KCNJ13: variants seen among roughly 807,000 people sequenced by gnomAD.
KCNJ13 encodes the protein inward rectifier potassium channel 13.
A neutral mutation model predicts 24.6 loss-of-function variants in KCNJ13; 9 were observed. That is an observed-to-expected ratio of 0.37 (90% CI 0.22 to 0.64). The LOEUF is 0.64. KCNJ13 is among the 30% of genes least tolerant of loss of function. The pLI, the probability that KCNJ13 is intolerant of heterozygous loss-of-function variation, is 0.64. For missense variants in KCNJ13, 337 were observed against 443.8 expected (o/e 0.76, Z 2.16); for synonymous variants, 148 against 154.7 (o/e 0.96, Z 0.32).
At chr2:232,772,770 CCTTGAGAGTG>C (rs986342796) in intron 1 of KCNJ13, among the ~76,000 whole-genome samples, 5 of 152,076 alleles carry the variant, frequency 3.3e-5, no homozygotes, top group Non-Finnish European at 7.4e-5. Context: ...AGGTAGATAC[CCTTGAGAGTG>C]CTGCATACCC....
Position 232,767,850 on chromosome 2 carries a change from T to A in KCNJ13, c.*341A>T. Reference sequence around the variant, plus strand: ...CAGATGAAAATGAGAGATTAATGGTTGATTTTCTTAGAGTTCAGTTGTGTT... The same window carrying A: ...CAGATGAAAATGAGAGATTAATGGTAGATTTTCTTAGAGTTCAGTTGTGTT... On this transcript the variant is annotated 3_prime_UTR_variant, in exon 3 of 3. Transcript: ENST00000233826. 3.6e-6 allele frequency: 1 copy of A among 278,018 alleles called. No homozygotes were observed. The highest frequency in any genetic ancestry group is 6.9e-6 in the Non-Finnish European group (1 of 145,360). The allele number at this position is 278,018 out of a possible 1,614,324, so 17.2% of individuals were successfully genotyped here.
intron 1 of KCNJ13, among the ~76,000 whole-genome samples, chr2:232,775,329 AAAAC>A (rs150450381): frequency 0.017 from 2,536 of 152,292 alleles, 156 homozygotes; most frequent in East Asian, 0.11. Context: ...TCCTTAGATT[AAAAC>A]AAAGAAAGTG....
chr2:232,773,808 C>T (rs934079278), intron 1 of KCNJ13, among the ~76,000 whole-genome samples: 3 of 150,192 alleles, frequency 2.0e-5, no homozygotes, highest in Admixed American at 6.7e-5. Context: ...TTATTAAAAA[C>T]GTGTCTGGCT....
chr2:232,767,443 G>T lies in KCNJ13; in HGVS notation c.*748C>A, dbSNP rs1574854998. On this transcript the variant is annotated 3_prime_UTR_variant, in exon 3 of 3. Transcript: ENST00000233826. ...AGATGAATCACCGTTTGATTATTAT[G>T]GAGGACAGTTTTAAAATAAAATTTT... The T allele has an allele frequency of 1.3e-5, 2 of 152,648 alleles. No homozygotes were observed. Among genetic ancestry groups the T allele is most frequent in the East Asian group, 3.9e-4 (2 of 5,188 alleles). 9.5% of individuals were successfully genotyped at this position (152,648 alleles called of 1,614,324 possible).
In KCNJ13 at chr2:232,771,280, G is replaced by A; in HGVS notation, c.83C>T (p.Thr28Ile). Residue 28 changes from threonine (T) to isoleucine (I), a missense_variant, in exon 2 of 3, where the codon ACA (threonine) becomes ATA (isoleucine). Thr to Ile is a moderately conservative substitution (Grantham distance 89). Transcript: ENST00000233826. ...TCTTTGAGCGCCATCCATTTGAAGT[G>A]TGCTGTGGCCATCCTTGGTGACCAT... ...RRMVTKDGHS[T>I]LQMDGAQRGL... The A allele has an allele frequency of 6.2e-7, 1 of 1,609,972 alleles. No individual in the cohort carries two copies. Among genetic ancestry groups the A allele is most frequent in the Non-Finnish European group, 8.5e-7 (1 of 1,177,698 alleles).
chr2:232,776,502 G>A lies in KCNJ13; in HGVS notation c.-74C>T, dbSNP rs755592443. The A allele has an allele frequency of 1.6e-5, 22 of 1,349,928 alleles. No individual in the cohort carries two copies. Among genetic ancestry groups the A allele is most frequent in the East Asian group, 1.4e-4 (6 of 42,304 alleles). 83.6% of individuals were successfully genotyped at this position (1,349,928 alleles called of 1,614,324 possible). A position where few individuals can be genotyped will look rare whatever the true frequency, so the allele number is the denominator to read the frequency against. ...GGTAGGTCTTAAGGAAATTTACAGA[G>A]TCTGCCTTTTTGATCAGATAATTTT... On this transcript the variant is annotated 5_prime_UTR_variant, in exon 1 of 3. Transcript: ENST00000233826.
intron 1 of KCNJ13, 176 bp from the exon 2 acceptor site, chr2:232,771,554 C>T (rs59502980): frequency 0.07 from 36,401 of 523,426 alleles, 1,600 homozygotes; most frequent in East Asian, 0.17. Flanking sequence ...CATTTGGGAG[C>T]TAATTGTGTG....
At chr2:232,772,301 G>A (rs900533731) in intron 1 of KCNJ13, among the ~76,000 whole-genome samples, 4 of 152,072 alleles carry the variant, frequency 2.6e-5, no homozygotes, top group African/African-American at 4.8e-5. Flanking sequence ...ATGATGGATT[G>A]CTATCTCTTT....
Position 232,768,185 on chromosome 2 carries a change from TAA to T in KCNJ13, c.*4_*5del. 4 of 1,613,892 alleles carry T rather than the reference TAA, an allele frequency of 2.5e-6. No homozygotes were observed. Among genetic ancestry groups the T allele is most frequent in the Non-Finnish European group, 3.4e-6 (4 of 1,179,802 alleles). ...TGTATTTAATACATTAAAAAATGGA[TAA>T]GTCTTATTCTGTCAGTCCTGTTTCA... On this transcript the variant is annotated 3_prime_UTR_variant, in exon 3 of 3. Transcript: ENST00000233826.
chr2:232,771,457 C>G, intron 1 of KCNJ13, 79 bp from the exon 2 acceptor site: 1 of 921,144 alleles, frequency 1.1e-6, no homozygotes, highest in South Asian at 1.8e-5. Context: ...CATGGACTTT[C>G]TGCTTTCTTG....
At chr2:232,776,043 C>T (rs1164758290) in intron 1 of KCNJ13, among the ~76,000 whole-genome samples, 1 of 152,064 alleles carries the variant, frequency 6.6e-6, no homozygotes, top group African/African-American at 2.4e-5. Context: ...TCTTAGATTA[C>T]AGAAGTAAAA....
Position 232,771,258 on chromosome 2 carries a change from T to C in KCNJ13, c.105A>G (p.Gln35=), listed in dbSNP as rs763508215. Residue 35 remains glutamine (Q), a synonymous_variant, in exon 2 of 3, where the codon CAA becomes CAG. Transcript: ENST00000233826. ...CATCTCGAAGATATGCAAGACCTCT[T>C]TGAGCGCCATCCATTTGAAGTGTGC... ...GHSTLQMDGA[Q]RGLAYLRDAW... is the part of the protein sequence containing the mutation. 1.2e-6 allele frequency: 2 copies of C among 1,608,632 alleles called. No individual in the cohort carries two copies. The highest frequency in any genetic ancestry group is 4.5e-5 in the East Asian group (2 of 44,790).
In KCNJ13 at chr2:232,768,276, C is replaced by T. The variant is rs781665941; in HGVS notation, c.998G>A (p.Ser333Asn). The change falls in exon 3 of 3, where the codon AGC (serine) becomes AAC (asparagine). Residue 333 changes from serine to asparagine, a missense_variant. Physicochemically the swap from Ser to Asn is conservative, Grantham distance 46 (BLOSUM62 1). Coordinates refer to ENST00000233826, the MANE Select transcript of KCNJ13 (RefSeq NM_002242.4). ...GATATCCAGGTCAGTCCTGTTTGGG[C>T]TTTTAGAAACCAGAGGAGTTGGAAA... is the stretch of plus-strand genomic sequence containing the variant. ...PEFPTPLVSK[S>N]PNRTDLDIHI... is the part of the protein sequence containing the mutation. 1 of 1,614,092 alleles carries T rather than the reference C, an allele frequency of 6.2e-7. No homozygotes were observed.
intron 2 of KCNJ13, among the ~76,000 whole-genome samples, chr2:232,769,739 T>A (rs1313410977): frequency 1.3e-5 from 2 of 152,056 alleles, no homozygotes; most frequent in Admixed American, 1.3e-4. Context: ...GTCTAAGAAG[T>A]AAGTACTTAC....
chr2:232,766,308 A>C lies in KCNJ13; in HGVS notation c.*1883T>G, dbSNP rs531541223. Among the ~76,000 whole-genome samples the C allele has an allele frequency of 5.9e-5, 9 of 152,292 alleles. No individual in the cohort carries two copies. In the East Asian group the frequency reaches 1.5e-3, roughly 26 times the overall value. ...AGTTTTCAAATGCCAAATTTATTAT[A>C]AACAGTAAGTATAATATGAAACTCA... On this transcript the variant is annotated 3_prime_UTR_variant, in exon 3 of 3. Transcript: ENST00000233826.
Position 232,767,927 on chromosome 2 carries a change from T to A in KCNJ13, c.*264A>T. 1 of 454,036 alleles carries A rather than the reference T, an allele frequency of 2.2e-6. No individual in the cohort carries two copies. The highest frequency in any genetic ancestry group is 4.0e-6 in the Non-Finnish European group (1 of 248,696). The allele number at this position is 454,036 out of a possible 1,614,324, so 28.1% of individuals were successfully genotyped here. A position where few individuals can be genotyped will look rare whatever the true frequency, so the allele number is the denominator to read the frequency against. On this transcript the variant is annotated 3_prime_UTR_variant, in exon 3 of 3. Transcript: ENST00000233826. ...TTACTAGTATCATACCACATTCTTA[T>A]AAATTCACCAGCAACATTTCTGTAT... is the stretch of plus-strand genomic sequence containing the variant.
chr2:232,768,573 C>T lies in KCNJ13; in HGVS notation c.701G>A (p.Cys234Tyr). 6.2e-7 allele frequency: 1 copy of T among 1,614,138 alleles called. No individual in the cohort carries two copies. The highest frequency in any genetic ancestry group is 8.5e-7 in the Non-Finnish European group (1 of 1,180,010). The stretch of plus-strand genomic sequence containing the variant: ...CGTTAGTGGAAAGATGAAGAATGGA[C>T]ATTCGTCAGAACTGATGCCATCAAG... Reference protein sequence around the residue: ...FHLDGISSDECPFFIFPLTYY... With the variant: ...FHLDGISSDEYPFFIFPLTYY... Residue 234 changes from cysteine (C) to tyrosine (Y), a missense_variant, in exon 3 of 3, where the codon TGT becomes TAT. Transcript: ENST00000233826.
In KCNJ13 at chr2:232,771,355, C is replaced by T. The variant is rs779944275; in HGVS notation, c.8G>A (p.Ser3Asn). 3 of 1,609,388 alleles carry T rather than the reference C, an allele frequency of 1.9e-6. No homozygotes were observed. The highest frequency in any genetic ancestry group is 3.3e-5 in the Admixed American group (2 of 59,800). The change falls in exon 2 of 3, where the codon AGC becomes AAC. Residue 3 changes from serine to asparagine, a missense_variant. Physicochemically the swap from Ser to Asn is conservative, Grantham distance 46. Transcript: ENST00000233826. MD[S>N]SNCKVIAPLL... ...AGGAGCAATAACTTTGCAATTACTG[C>T]TGTCCATCTCAGGCTGTATTTCTCT...
chr2:232,767,129 A>G lies in KCNJ13; in HGVS notation c.*1062T>C, dbSNP rs1461558004. 1.3e-5 allele frequency: 2 copies of G among 152,148 alleles called. No homozygotes were observed. Among genetic ancestry groups the G allele is most frequent in the African/African-American group, 4.8e-5 (2 of 41,434 alleles). The allele number at this position is 152,148 out of a possible 1,614,324, so 9.4% of individuals were successfully genotyped here. ...GAAATAATAGAGTTCATCTAGTCCA[A>G]CCTCCTACTGGTGAATAAACACTGA... On this transcript the variant is annotated 3_prime_UTR_variant, in exon 3 of 3. Transcript: ENST00000233826.
Sources: gnomAD v4.1 joint callset for allele counts (sites outside exome capture counted in the v4.1 genomes callset) on GRCh38, gnomAD v4.1.1 for gene constraint, MANE v1.5 for transcripts, NCBI Gene and HGNC (gene_info 2026-07-23, HGNC 2026-07-21) for gene names.